Variants in SMARCAD1 observed in about 807,000 individuals in gnomAD.
SMARCAD1 encodes SNF2 related chromatin remodeling ATPase with DExD box 1.
In SMARCAD1, 25 loss-of-function variants were observed where a neutral mutation model predicts 127.1. The observed-to-expected ratio is 0.20, with a 90% CI of 0.14 to 0.27. The LOEUF is 0.27. Ranked by LOEUF, SMARCAD1 falls within the 10% of genes least tolerant of loss-of-function variation. SMARCAD1 has a pLI of 1.00. For missense variants in SMARCAD1, 807 were observed against 1,206.0 expected, an observed-to-expected ratio of 0.67 and a Z score of 4.90; for synonymous variants, 400 against 396.9, an observed-to-expected ratio of 1.01 and a Z score of -0.09.
At position 94,257,023 on chromosome 4, in the gene SMARCAD1, A is replaced by G. The variant is rs565158514; in HGVS notation, c.1281+4016A>G. Among the ~76,000 whole-genome samples, 23 of 152,340 alleles carry G rather than the reference A, an allele frequency of 1.5e-4. No homozygotes were observed. In the South Asian group the frequency reaches 4.8e-3, roughly 32 times the overall value. On this transcript the variant is annotated intron_variant, in intron 9 of 23. Coordinates refer to ENST00000354268, the MANE Select transcript of SMARCAD1 (RefSeq NM_020159.5). ...GGAAATTCAAAAATATCTGTACAGTAAGAGTGACACACTGTGGCAAGAGAG... is the reference window on the plus strand; with the variant it reads ...GGAAATTCAAAAATATCTGTACAGTGAGAGTGACACACTGTGGCAAGAGAG...
At chr4:94,261,770 G>A (rs1054624961) in intron 9 of SMARCAD1, among the ~76,000 whole-genome samples, 4 of 152,060 alleles carry the variant, frequency 2.6e-5, no homozygotes, top group Admixed American at 6.5e-5. Flanking sequence ...CCACCACACC[G>A]GCTAATTTTT....
intron 6 of SMARCAD1, among the ~76,000 whole-genome samples, chr4:94,246,116 C>CTT (rs765392820): frequency 7.1e-6 from 1 of 139,906 alleles, no homozygotes; most frequent in Non-Finnish European, 1.6e-5. Flanking sequence ...AACTGACATT[C>CTT]TTTTTTTTTT....
At chr4:94,219,726 AG>A (rs1208938287) in intron 2 of SMARCAD1, among the ~76,000 whole-genome samples, 1 of 152,228 alleles carries the variant, frequency 6.6e-6, no homozygotes, top group Non-Finnish European at 1.5e-5. Flanking sequence ...TTTATATGGA[AG>A]GACAGGCTGT....
chr4:94,248,907 A>G (rs1319699510), intron 6 of SMARCAD1, among the ~76,000 whole-genome samples: 3 of 152,194 alleles, frequency 2.0e-5, no homozygotes, highest in African/African-American at 2.4e-5. Flanking sequence ...ATTTTTCTCC[A>G]TCTTGTGTGT....
chr4:94,233,842 C>A, intron 3 of SMARCAD1, 112 bp from the exon 4 acceptor site: 6 of 1,115,108 alleles, frequency 5.4e-6, no homozygotes, highest in Non-Finnish European at 7.9e-6. Flanking sequence ...ATTGCATTTA[C>A]TATTGAAAAG....
chr4:94,238,606 C>G (rs1024951750), intron 5 of SMARCAD1, among the ~76,000 whole-genome samples: 2 of 151,912 alleles, frequency 1.3e-5, no homozygotes, highest in African/African-American at 2.4e-5. Flanking sequence ...GAGCAAGACC[C>G]TGTCTCAAAA....
In SMARCAD1 at chr4:94,290,584, C is replaced by T. The variant is rs192105063; in HGVS notation, c.*1050C>T. Reference sequence around the variant, plus strand: ...GTTTCCAGAATTTCCAGTACAGGACCGCCTGAAGAGAGAGCCATTGTTCAA... The same window carrying T: ...GTTTCCAGAATTTCCAGTACAGGACTGCCTGAAGAGAGAGCCATTGTTCAA... On this transcript the variant is annotated 3_prime_UTR_variant, in exon 24 of 24. Coordinates refer to ENST00000354268, the MANE Select transcript of SMARCAD1 (RefSeq NM_020159.5). 1.5e-4 allele frequency: 68 copies of T among 454,372 alleles called. No homozygotes were observed. Among genetic ancestry groups the T allele is most frequent in the African/African-American group, 6.8e-4 (34 of 50,104 alleles). 28.1% of individuals were successfully genotyped at this position (454,372 alleles called of 1,614,324 possible). A position where few individuals can be genotyped will look rare whatever the true frequency, so the allele number is the denominator to read the frequency against.
chr4:94,247,420 G>T (rs1187927183), intron 6 of SMARCAD1, among the ~76,000 whole-genome samples: 4 of 152,176 alleles, frequency 2.6e-5, no homozygotes, highest in Non-Finnish European at 5.9e-5. Flanking sequence ...TGGCATAAGT[G>T]TGGGACCCAA....
At position 94,207,916 on chromosome 4, in the gene SMARCAD1, C is replaced by T. The variant is rs373015689; in HGVS notation, c.-204C>T. On this transcript the variant is annotated 5_prime_UTR_variant, in exon 1 of 24. Transcript: ENST00000354268. The stretch of plus-strand genomic sequence containing the variant: ...CAGCACGGCCTCCGCCGCTCCCCTT[C>T]TTTGGCCCCTTTGTGTCCCCGCAGT... 3.2e-5 allele frequency: 11 copies of T among 342,910 alleles called. No homozygotes were observed. The East Asian group carries it at 3.9e-4, about 12-fold the overall frequency. 21.2% of individuals were successfully genotyped at this position (342,910 alleles called of 1,614,324 possible).
At chr4:94,222,795 T>C (rs910536467) in intron 2 of SMARCAD1, among the ~76,000 whole-genome samples, 2 of 151,758 alleles carry the variant, frequency 1.3e-5, no homozygotes, top group African/African-American at 4.8e-5. Context: ...AAACCCAGTC[T>C]CTACAAAAAA....
intron 3 of SMARCAD1, among the ~76,000 whole-genome samples, chr4:94,226,507 A>ATTTT (rs60198579): frequency 8.9e-6 from 1 of 112,990 alleles, no homozygotes; most frequent in Non-Finnish European, 1.8e-5. Flanking sequence ...GATAACAGTG[A>ATTTT]TTTTTTTTTT....
At chr4:94,289,165 C>G (rs1287575828) in intron 23 of SMARCAD1, among the ~76,000 whole-genome samples, 2 of 152,012 alleles carry the variant, frequency 1.3e-5, no homozygotes. Flanking sequence ...TTTTATTTAG[C>G]AAATGTGAGA....
chr4:94,238,978 A>G (rs1406504429), intron 5 of SMARCAD1, among the ~76,000 whole-genome samples: 2 of 152,206 alleles, frequency 1.3e-5, no homozygotes, highest in Non-Finnish European at 2.9e-5. Flanking sequence ...CATTAAATTT[A>G]TTTAACTTCA....
Position 94,233,936 on chromosome 4 carries a change from C to G in SMARCAD1, c.369-18C>G, listed in dbSNP as rs768936077. ...AATACATTAAAAATGTTTTTTGCTCCTCTAAAAATATTTTTAGTTCTGAGC... is the reference window on the plus strand; with the variant it reads ...AATACATTAAAAATGTTTTTTGCTCGTCTAAAAATATTTTTAGTTCTGAGC... On this transcript the variant is annotated intron_variant, in intron 3 of 23. Coordinates refer to ENST00000354268, the MANE Select transcript of SMARCAD1 (RefSeq NM_020159.5). The G allele has an allele frequency of 5.6e-6, 9 of 1,612,570 alleles. No individual in the cohort carries two copies. Among genetic ancestry groups the G allele is most frequent in the Non-Finnish European group, 7.6e-6 (9 of 1,178,992 alleles).
intron 10 of SMARCAD1, among the ~76,000 whole-genome samples, chr4:94,267,170 GTTCATCCT>G (rs1751851069): frequency 6.6e-6 from 1 of 152,054 alleles, no homozygotes. Context: ...TTCTGATCTT[GTTCATCCT>G]GAACTTGACA....
chr4:94,278,854 T>G, intron 18 of SMARCAD1, 75 bp from the exon 19 acceptor site: 1 of 1,604,650 alleles, frequency 6.2e-7, no homozygotes, highest in South Asian at 1.1e-5. Context: ...AGGAAATAAT[T>G]TTAAAACTTA....
intron 6 of SMARCAD1, among the ~76,000 whole-genome samples, chr4:94,246,132 T>C (rs1422122998): frequency 5.9e-5 from 9 of 151,484 alleles, no homozygotes; most frequent in Non-Finnish European, 2.9e-5. Flanking sequence ...TTTTTTTTTT[T>C]CTTTTGAGAT....
chr4:94,229,576 A>G (rs893612267), intron 3 of SMARCAD1, among the ~76,000 whole-genome samples: 4 of 151,972 alleles, frequency 2.6e-5, no homozygotes, highest in Admixed American at 6.6e-5. Context: ...TACTTCTCCT[A>G]CCTCAAGCCT....
chr4:94,274,630 T>C lies in SMARCAD1; in HGVS notation c.1673-108T>C. On this transcript the variant is annotated intron_variant, in intron 12 of 23. Coordinates refer to ENST00000354268, the MANE Select transcript of SMARCAD1 (RefSeq NM_020159.5). ...CCTTGCTGGGCCAGTATTTACTTTTTATAAAAGACTGATTTCTGAGTAGCA... is the reference window on the plus strand; with the variant it reads ...CCTTGCTGGGCCAGTATTTACTTTTCATAAAAGACTGATTTCTGAGTAGCA... The C allele has an allele frequency of 4.6e-6, 5 of 1,098,822 alleles. No homozygotes were observed. In the South Asian group the frequency reaches 6.3e-5, roughly 14 times the overall value. The allele number at this position is 1,098,822 out of a possible 1,614,324, so 68.1% of individuals were successfully genotyped here.
Sources: allele counts gnomAD v4.1 joint callset (sites outside exome capture counted in the v4.1 genomes callset), GRCh38; gene constraint gnomAD v4.1.1; transcripts MANE v1.5; gene names NCBI Gene and HGNC (gene_info 2026-07-23, HGNC 2026-07-21).